The following BCL7A variants were observed in gnomAD, a reference collection of about 807,000 sequenced individuals.
The protein encoded by BCL7A is B-cell CLL/lymphoma 7 protein family member A.
In BCL7A, 11 loss-of-function variants were observed where a neutral mutation model predicts 28.4. The ratio of observed to expected loss-of-function variants is 0.39; its 90% CI spans 0.24 to 0.64. The LOEUF (loss-of-function observed/expected upper bound fraction) is 0.64, where lower values mean the gene tolerates loss of function less well. Among genes scored for constraint, BCL7A ranks in the 30% least tolerant of loss-of-function variants. The pLI, the probability that BCL7A is intolerant of heterozygous loss-of-function variation, is 0.50. For synonymous variants in BCL7A, 123 were observed against 103.3 expected (o/e 1.19, Z -1.15); for missense variants, 222 against 274.8 (o/e 0.81, Z 1.36).
At chr12:122,025,164 AC>A (rs1214792089) in intron 1 of BCL7A, among the ~76,000 whole-genome samples, 1 of 151,928 alleles carries the variant, frequency 6.6e-6, no homozygotes, top group Non-Finnish European at 1.5e-5. Context: ...AGGAGAGAAG[AC>A]CCCAGGGCGA....
At chr12:122,022,536 T>C (rs2135833283) in intron 1 of BCL7A, among the ~76,000 whole-genome samples, 1 of 141,024 alleles carries the variant, frequency 7.1e-6, no homozygotes, top group Non-Finnish European at 1.6e-5. Context: ...GCCATTTCGT[T>C]TTGTGCAAGT....
rs540843703 is a variant in BCL7A, at chr12:122,059,919, G to T, written c.*756G>T. On this transcript the variant is annotated 3_prime_UTR_variant, in exon 6 of 6. Coordinates refer to ENST00000261822, the MANE Select transcript of BCL7A (RefSeq NM_001024808.3). This position sits in a 1 kb window ranked among gnomAD's most constrained non-coding sequence, Gnocchi z 4.0. The stretch of plus-strand genomic sequence containing the variant: ...CCCTCCTTGGGGCGTTTAGGACTGG[G>T]CGTCTCCAAGCCCACCATGGCCCAG... The T allele has an allele frequency of 4.3e-6, 1 of 232,620 alleles. No individual in the cohort carries two copies. The highest frequency in any genetic ancestry group is 8.5e-6 in the Non-Finnish European group (1 of 117,690). The allele number at this position is 232,620 out of a possible 1,614,324, so 14.4% of individuals were successfully genotyped here. A position where few individuals can be genotyped will look rare whatever the true frequency, so the allele number is the denominator to read the frequency against.
At chr12:122,055,058 T>C in intron 5 of BCL7A, 132 bp downstream of exon 5, 2 of 1,557,234 alleles carry the variant, frequency 1.3e-6, no homozygotes, top group African/African-American at 1.4e-5. Context: ...CTGTCATTTG[T>C]CCATTGGGCT....
intron 2 of BCL7A, among the ~76,000 whole-genome samples, chr12:122,031,552 C>A (rs1212180022): frequency 6.6e-6 from 1 of 152,220 alleles, no homozygotes; most frequent in Non-Finnish European, 1.5e-5. Context: ...CTCCTCTGTA[C>A]AAGTGAGGGC....
In BCL7A at chr12:122,061,447, G is replaced by T. The variant is rs1366260380; in HGVS notation, c.*2284G>T. On this transcript the variant is annotated 3_prime_UTR_variant, in exon 6 of 6. Transcript: ENST00000261822. ...CACGGCCACGCCAGGCAAAGCGCCA[G>T]CAGCCCTGCACTCCACGCTGGCCAA... is the stretch of plus-strand genomic sequence containing the variant. 4.3e-6 allele frequency: 1 copy of T among 231,986 alleles called. No individual in the cohort carries two copies. Among genetic ancestry groups the T allele is most frequent in the Non-Finnish European group, 8.5e-6 (1 of 117,318 alleles). The allele number at this position is 231,986 out of a possible 1,614,324, so 14.4% of individuals were successfully genotyped here. A position where few individuals can be genotyped will look rare whatever the true frequency, so the allele number is the denominator to read the frequency against.
At chr12:122,044,249 C>T (rs977812695) in intron 4 of BCL7A, 196 bp downstream of exon 4, 20 of 618,840 alleles carry the variant, frequency 3.2e-5, no homozygotes, top group Non-Finnish European at 5.1e-5. Context: ...TGGCTCATGC[C>T]TGTAATCCCT....
Position 122,030,787 on chromosome 12 carries a change from T to C in BCL7A, c.174+6T>C, listed in dbSNP as rs760696888. On this transcript the variant is annotated splice_donor_region_variant and intron_variant, in intron 2 of 5. Coordinates refer to ENST00000261822, the MANE Select transcript of BCL7A (RefSeq NM_001024808.3). ...CGGAGCCCAAGGTTGATGACGTGAGTATGGAGGGCTGGTCCCCTGGGGTGG... is the reference window on the plus strand; with the variant it reads ...CGGAGCCCAAGGTTGATGACGTGAGCATGGAGGGCTGGTCCCCTGGGGTGG... The C allele has an allele frequency of 6.2e-7, 1 of 1,613,168 alleles. No individual in the cohort carries two copies. The highest frequency in any genetic ancestry group is 1.1e-5 in the South Asian group (1 of 91,062).
At chr12:122,022,509 C>T (rs1014842529) in intron 1 of BCL7A, among the ~76,000 whole-genome samples, 2 of 144,792 alleles carry the variant, frequency 1.4e-5, no homozygotes, top group East Asian at 2.1e-4. Context: ...GAGGGGGGCT[C>T]GGGGCCGGCC....
Position 122,061,674 on chromosome 12 carries a change from C to A in BCL7A, c.*2511C>A. On this transcript the variant is annotated 3_prime_UTR_variant, in exon 6 of 6. Transcript: ENST00000261822. ...CTTCCGTGGACATCAGGCCCCGTGG[C>A]CTCAAGGGCTCCCAGGGCAAACCTA... is the stretch of plus-strand genomic sequence containing the variant. 4.6e-6 allele frequency: 1 copy of A among 218,052 alleles called. No individual in the cohort carries two copies. The highest frequency in any genetic ancestry group is 9.2e-6 in the Non-Finnish European group (1 of 108,468). The allele number at this position is 218,052 out of a possible 1,614,324, so 13.5% of individuals were successfully genotyped here. A position where few individuals can be genotyped will look rare whatever the true frequency, so the allele number is the denominator to read the frequency against.
At chr12:122,038,553 A>T (rs562828063) in intron 3 of BCL7A, among the ~76,000 whole-genome samples, 1 of 151,532 alleles carries the variant, frequency 6.6e-6, no homozygotes, top group Admixed American at 6.6e-5. Flanking sequence ...TTTCAGAAAT[A>T]GATATGTGAG....
At chr12:122,023,754 C>G (rs530324188) in intron 1 of BCL7A, among the ~76,000 whole-genome samples, 1 of 152,302 alleles carries the variant, frequency 6.6e-6, no homozygotes, top group African/African-American at 2.4e-5. Context: ...CAGCTGCAGG[C>G]CAACACACAC....
intron 5 of BCL7A, among the ~76,000 whole-genome samples, chr12:122,057,227 G>C (rs1310699785): frequency 1.3e-5 from 2 of 152,330 alleles, no homozygotes; most frequent in Admixed American, 1.3e-4. Flanking sequence ...GGCAGGGGCA[G>C]ACCAAGGTGC....
At chr12:122,035,303 T>C in intron 2 of BCL7A, 28 bp from the exon 3 acceptor site, 1 of 1,598,908 alleles carries the variant, frequency 6.3e-7, no homozygotes, top group Non-Finnish European at 8.6e-7. Flanking sequence ...ATCTGGTGAC[T>C]TGGTTTCTGC....
intron 1 of BCL7A, among the ~76,000 whole-genome samples, chr12:122,028,985 T>A (rs1455079463): frequency 6.6e-6 from 1 of 152,156 alleles, no homozygotes; most frequent in East Asian, 1.9e-4. Context: ...GACGGGCCAG[T>A]GGACTTAGAC....
At position 122,054,825 on chromosome 12, in the gene BCL7A, TCA is replaced by T. The variant is rs1239309872; in HGVS notation, c.463_464del (p.Gln155ValfsTer41). 6.2e-7 allele frequency: 1 copy of T among 1,614,126 alleles called. No homozygotes were observed. Among genetic ancestry groups the T allele is most frequent in the East Asian group, 2.2e-5 (1 of 44,882 alleles). Reference protein sequence around the residue: ...GAEDASDEQNSQSSMEHSMNS... With the variant: ...GAEDASDEQNXQSSMEHSMNS... ...CTCAGATGCTTCTGATGAGCAGAATTCACAGTCCTCGATGGAACATTCGATGA... is the reference window on the plus strand; with the variant it reads ...CTCAGATGCTTCTGATGAGCAGAATTCAGTCCTCGATGGAACATTCGATGA... On this transcript the variant is annotated frameshift_variant, in exon 5 of 6. Coordinates refer to ENST00000261822, the MANE Select transcript of BCL7A (RefSeq NM_001024808.3). LOFTEE classifies it high-confidence loss of function.
At chr12:122,024,112 G>A (rs543943818) in intron 1 of BCL7A, among the ~76,000 whole-genome samples, 1 of 152,200 alleles carries the variant, frequency 6.6e-6, no homozygotes, top group Admixed American at 6.5e-5. Flanking sequence ...CTTCCAGCCC[G>A]CTGACCCCGC....
chr12:122,026,575 A>G (rs1264996469), intron 1 of BCL7A, among the ~76,000 whole-genome samples: 2 of 152,264 alleles, frequency 1.3e-5, no homozygotes, highest in African/African-American at 2.4e-5. Flanking sequence ...CAGGAGAGGT[A>G]GAGGTTTGGG....
At chr12:122,024,302 C>G (rs1883561489) in intron 1 of BCL7A, among the ~76,000 whole-genome samples, 1 of 152,270 alleles carries the variant, frequency 6.6e-6, no homozygotes, top group Middle Eastern at 3.4e-3. Flanking sequence ...ACCATGGTGA[C>G]CCGGGGTTTT....
chr12:122,030,879 C>A, intron 2 of BCL7A, 98 bp downstream of exon 2: 2 of 1,288,680 alleles, frequency 1.6e-6, no homozygotes, highest in Non-Finnish European at 2.2e-6. Flanking sequence ...CGTGCTGGGG[C>A]TCTGGGACCA....
Sources: allele counts gnomAD v4.1 joint callset (sites outside exome capture counted in the v4.1 genomes callset), GRCh38; gene constraint gnomAD v4.1.1; non-coding constraint Gnocchi (gnomAD v3.1); transcripts MANE v1.5; gene names NCBI Gene and HGNC (gene_info 2026-07-23, HGNC 2026-07-21).